The following SMARCA2 variants were observed in gnomAD, a reference collection of about 807,000 sequenced individuals.
SMARCA2 encodes SWI/SNF-related matrix-associated actin-dependent regulator of chromatin subfamily A member 2.
Under a neutral mutation model 199.8 loss-of-function variants are expected in SMARCA2, and 61 were observed. The observed-to-expected ratio is 0.31, with a 90% CI of 0.25 to 0.38. SMARCA2 has a LOEUF of 0.38. Among genes scored for constraint, SMARCA2 ranks in the 10% least tolerant of loss-of-function variants. SMARCA2 has a pLI of 1.00. For missense variants in SMARCA2, 1,344 were observed against 2,012.2 expected, an observed-to-expected ratio of 0.67 and a Z score of 6.35; for synonymous variants, 935 against 732.0, an observed-to-expected ratio of 1.28 and a Z score of -4.48.
At chr9:2,174,000 C>A (rs1000432008) in intron 29 of SMARCA2, among the ~76,000 whole-genome samples, 2 of 152,218 alleles carry the variant, frequency 1.3e-5, no homozygotes, top group African/African-American at 4.8e-5. Context: ...CTGAAACAGG[C>A]TGCTTTGACT....
Position 2,088,972 on chromosome 9 carries a change from G to A in SMARCA2, c.2883+359G>A, listed in dbSNP as rs117232405. On this transcript the variant is annotated intron_variant, in intron 19 of 33. Coordinates refer to ENST00000349721, the MANE Select transcript of SMARCA2 (RefSeq NM_003070.5). ...CTTATAAGTGAATGGAAGATTTGGC[G>A]TTGGGGACTTGTATCATCATTGAAG... is the stretch of plus-strand genomic sequence containing the variant. Among the ~76,000 whole-genome samples the A allele has an allele frequency of 3.7e-3, 561 of 150,088 alleles. 5 individuals carry two copies. The highest frequency in any genetic ancestry group is 3.3e-3 in the Non-Finnish European group (221 of 67,922).
At chr9:2,140,264 C>A (rs775201772) in intron 27 of SMARCA2, among the ~76,000 whole-genome samples, 1 of 152,124 alleles carries the variant, frequency 6.6e-6, no homozygotes, top group Non-Finnish European at 1.5e-5. Context: ...CAAGTTTTCT[C>A]CAAATTTTCA....
At chr9:2,082,970 G>T (rs1821633095) in intron 15 of SMARCA2, among the ~76,000 whole-genome samples, 2 of 152,082 alleles carry the variant, frequency 1.3e-5, no homozygotes, top group African/African-American at 4.8e-5. Context: ...TTTTCATGTG[G>T]TTTTATAATT....
Position 2,182,061 on chromosome 9 carries a change from C to T in SMARCA2, c.4360-80C>T, listed in dbSNP as rs529410481. Reference sequence around the variant, plus strand: ...TATGCTGTGAAGACAAAGGGAAAATCAGGCTTTGTTAACTAAGTAATGATC... The same window carrying T: ...TATGCTGTGAAGACAAAGGGAAAATTAGGCTTTGTTAACTAAGTAATGATC... On this transcript the variant is annotated intron_variant, in intron 30 of 33. Transcript: ENST00000349721. 1.1e-3 allele frequency: 1,052 copies of T among 922,874 alleles called. 3 individuals are homozygous for T. Among genetic ancestry groups the T allele is most frequent in the Non-Finnish European group, 1.7e-3 (941 of 555,616 alleles). 57.2% of individuals were successfully genotyped at this position (922,874 alleles called of 1,614,324 possible).
Position 2,123,215 on chromosome 9 carries a change from A to T in SMARCA2, c.3763-504A>T, listed in dbSNP as rs1447847869. On this transcript the variant is annotated intron_variant, in intron 26 of 33. Coordinates refer to ENST00000349721, the MANE Select transcript of SMARCA2 (RefSeq NM_003070.5). This position sits in a 1 kb window ranked among gnomAD's most constrained non-coding sequence, Gnocchi z 4.1. The stretch of plus-strand genomic sequence containing the variant: ...TCCACATGTCCAACTGTGGGTAGCT[A>T]TTCTGTACTGATACCTTGGGTCCCC... Among the ~76,000 whole-genome samples the T allele has an allele frequency of 6.6e-6, 1 of 152,092 alleles. No individual in the cohort carries two copies. Among genetic ancestry groups the T allele is most frequent in the Non-Finnish European group, 1.5e-5 (1 of 68,012 alleles).
In SMARCA2 at chr9:2,060,932, G is replaced by A; in HGVS notation, c.1638G>A (p.Glu546=). ...CCAATCTGACCAATCTGGTTTGGGA[G>A]CACAAGCAAGCCCAGGCAGCCAAAG... is the stretch of plus-strand genomic sequence containing the variant. ...YVANLTNLVW[E]HKQAQAAKEK... is the part of the protein sequence containing the mutation. Residue 546 remains glutamate (E), a synonymous_variant, in exon 9 of 34, where the codon GAG becomes GAA. Coordinates refer to ENST00000349721, the MANE Select transcript of SMARCA2 (RefSeq NM_003070.5). 6.2e-7 allele frequency: 1 copy of A among 1,614,128 alleles called. No individual in the cohort carries two copies. The highest frequency in any genetic ancestry group is 8.5e-7 in the Non-Finnish European group (1 of 1,179,998).
chr9:2,181,772 G>A (rs1475843289), intron 30 of SMARCA2, 96 bp downstream of exon 30: 4 of 708,140 alleles, frequency 5.6e-6, no homozygotes, highest in South Asian at 1.6e-5. Context: ...CGCCACTGAT[G>A]GGTACCCAGG....
At chr9:2,167,315 C>T (rs1825981497) in intron 28 of SMARCA2, among the ~76,000 whole-genome samples, 1 of 152,238 alleles carries the variant, frequency 6.6e-6, no homozygotes, top group Admixed American at 6.5e-5. Flanking sequence ...GCATTGTTCT[C>T]ATTCCTGAAG....
intron 29 of SMARCA2, among the ~76,000 whole-genome samples, chr9:2,173,056 G>C (rs1826343703): frequency 6.6e-6 from 1 of 152,182 alleles, no homozygotes. Context: ...GGGGCAGTCT[G>C]GATGTGTGAG....
chr9:2,129,463 T>C, intron 27 of SMARCA2, among the ~76,000 whole-genome samples: 1 of 152,264 alleles, frequency 6.6e-6, no homozygotes, highest in East Asian at 1.9e-4. Context: ...GCATGCAGTC[T>C]GGGAGGAAAC....
intron 27 of SMARCA2, among the ~76,000 whole-genome samples, chr9:2,137,295 C>T (rs1026744330): frequency 6.6e-6 from 1 of 152,198 alleles, no homozygotes; most frequent in Non-Finnish European, 1.5e-5. Flanking sequence ...TACCAAAAAT[C>T]GGCCCTGATG....
chr9:2,071,421 C>CA (rs1821083128), intron 10 of SMARCA2, among the ~76,000 whole-genome samples: 1 of 152,196 alleles, frequency 6.6e-6, no homozygotes, highest in Non-Finnish European at 1.5e-5. Context: ...CACTTAGAAA[C>CA]AACTCTAATT....
intron 23 of SMARCA2, among the ~76,000 whole-genome samples, chr9:2,107,890 A>G (rs1822830534): frequency 6.6e-6 from 1 of 152,190 alleles, no homozygotes; most frequent in Admixed American, 6.5e-5. Context: ...TTTATTCACA[A>G]GGGCACCAAG....
intron 3 of SMARCA2, 149 bp downstream of exon 3, chr9:2,033,230 C>T (rs945509328): frequency 9.1e-6 from 7 of 766,620 alleles, no homozygotes; most frequent in African/African-American, 8.8e-5. Flanking sequence ...CTACCTCCGT[C>T]CTCACCAATA....
intron 28 of SMARCA2, among the ~76,000 whole-genome samples, chr9:2,166,805 C>G (rs1825954944): frequency 6.6e-6 from 1 of 152,164 alleles, no homozygotes; most frequent in Admixed American, 6.5e-5. Context: ...TAGCCATGCT[C>G]TCATGTCACC....
At chr9:2,140,085 T>C (rs1207993540) in intron 27 of SMARCA2, among the ~76,000 whole-genome samples, 1 of 152,178 alleles carries the variant, frequency 6.6e-6, no homozygotes, top group Non-Finnish European at 1.5e-5. Flanking sequence ...CTACTTTCCT[T>C]GCAAATTAGT....
Position 2,170,458 on chromosome 9 carries a change from A to G in SMARCA2, c.4239A>G (p.Glu1413=), listed in dbSNP as rs1563823054. The G allele has an allele frequency of 1.9e-6, 3 of 1,614,102 alleles. No homozygotes were observed. Among genetic ancestry groups the G allele is most frequent in the Admixed American group, 1.7e-5 (1 of 60,016 alleles). ...VEKVPSNSQL[E]IEGNSSGRQL... is the part of the protein sequence containing the mutation. Reference sequence around the variant, plus strand: ...AGGTGCCCAGTAATTCTCAGTTGGAAATAGAAGGAAACAGGTCAGGATCTG... The same window carrying G: ...AGGTGCCCAGTAATTCTCAGTTGGAGATAGAAGGAAACAGGTCAGGATCTG... The change falls in exon 29 of 34, where the codon GAA becomes GAG. Residue 1413 remains glutamate (E), a synonymous_variant. Transcript: ENST00000349721. This position sits in a 1 kb window ranked among gnomAD's most constrained non-coding sequence, Gnocchi z 4.7.
At chr9:2,050,123 G>A (rs1338818400) in intron 5 of SMARCA2, among the ~76,000 whole-genome samples, 9 of 152,242 alleles carry the variant, frequency 5.9e-5, no homozygotes, top group East Asian at 5.8e-4. Context: ...AAATCAGAAC[G>A]TTGACAAATT....
chr9:2,037,955 C>G (rs980461002), intron 3 of SMARCA2, among the ~76,000 whole-genome samples: 8 of 152,170 alleles, frequency 5.3e-5, no homozygotes, highest in African/African-American at 1.9e-4. Context: ...CAGGTCATCT[C>G]CTGAAATAAG....
Sources: allele counts gnomAD v4.1 joint callset (sites outside exome capture counted in the v4.1 genomes callset), GRCh38; gene constraint gnomAD v4.1.1; non-coding constraint Gnocchi (gnomAD v3.1); transcripts MANE v1.5; gene names NCBI Gene and HGNC (gene_info 2026-07-23, HGNC 2026-07-21).